TTF1: variants seen among roughly 807,000 people sequenced by gnomAD.
TTF1 encodes the protein transcription termination factor, RNA polymerase I.
Under a neutral mutation model 80.2 loss-of-function variants are expected in TTF1, and 64 were observed. The observed-to-expected ratio is 0.80, with a 90% CI of 0.65 to 0.98. The LOEUF is 0.98. Ranked by LOEUF, TTF1 falls within the 50% of genes least tolerant of loss-of-function variation. The probability of loss-of-function intolerance (pLI) is 0.00; values close to 1 mark genes in which losing one functional copy is unlikely to be tolerated. For missense variants in TTF1, 1,023 were observed against 1,086.2 expected, an observed-to-expected ratio of 0.94 and a Z score of 0.82; for synonymous variants, 372 against 382.7, an observed-to-expected ratio of 0.97 and a Z score of 0.33.
chr9:132,406,804 G>T lies in TTF1; in HGVS notation c.-22C>A, dbSNP rs183522856. The T allele has an allele frequency of 5.3e-5, 8 of 152,264 alleles. No individual in the cohort carries two copies. The East Asian group carries it at 1.4e-3, about 26-fold the overall frequency. The allele number at this position is 152,264 out of a possible 1,614,324, so 9.4% of individuals were successfully genotyped here. ...TTTCAACTTACCCTCCGAAAGCGCC[G>T]CCACCTTTCTCCCAACCCGGAAGTG... On this transcript the variant is annotated 5_prime_UTR_variant, in exon 1 of 11. Transcript: ENST00000334270.
Position 132,401,860 on chromosome 9 carries a change from G to A in TTF1, c.962C>T (p.Ala321Val). ...RPAVGLHGET[A>V]GIPAPAYKNK... ...TTTATAAGCAGGTGCTGGTATTCCTGCAGTTTCACCATGCAGGCCCACAGC... is the reference window on the plus strand; with the variant it reads ...TTTATAAGCAGGTGCTGGTATTCCTACAGTTTCACCATGCAGGCCCACAGC... Residue 321 changes from alanine (A) to valine (V), a missense_variant, in exon 2 of 11, where the codon GCA (alanine) becomes GTA (valine). Physicochemically the swap from Ala to Val is moderately conservative, Grantham distance 64. Coordinates refer to ENST00000334270, the MANE Select transcript of TTF1 (RefSeq NM_007344.4). 1 of 1,613,006 alleles carries A rather than the reference G, an allele frequency of 6.2e-7. No homozygotes were observed. Among genetic ancestry groups the A allele is most frequent in the East Asian group, 2.2e-5 (1 of 44,856 alleles).
intron 3 of TTF1, among the ~76,000 whole-genome samples, chr9:132,399,671 C>T (rs546648232): frequency 3.3e-5 from 5 of 152,240 alleles, no homozygotes; most frequent in Admixed American, 2.6e-4. Context: ...GAGAAAGAAA[C>T]GATACCTCAT....
At chr9:132,399,951 A>T in intron 3 of TTF1, 84 bp downstream of exon 3, 1 of 1,381,842 alleles carries the variant, frequency 7.2e-7, no homozygotes, top group Non-Finnish European at 1.0e-6. Context: ...GTCGATCTAT[A>T]AATCTGAATC....
chr9:132,378,533 GGT>G (rs1343769308), intron 10 of TTF1, among the ~76,000 whole-genome samples: 1 of 113,422 alleles, frequency 8.8e-6, no homozygotes, highest in African/African-American at 3.4e-5. Context: ...GAGTGCATGT[GGT>G]GTGAGTGCAT....
intron 3 of TTF1, among the ~76,000 whole-genome samples, chr9:132,398,673 C>T (rs560311095): frequency 2.6e-4 from 40 of 152,182 alleles, no homozygotes; most frequent in Non-Finnish European, 4.4e-4. Flanking sequence ...AAGTCCACTG[C>T]AACCTTGAAC....
chr9:132,405,405 G>A (rs1228696028), intron 1 of TTF1, among the ~76,000 whole-genome samples: 1 of 151,664 alleles, frequency 6.6e-6, no homozygotes, highest in Non-Finnish European at 1.5e-5. Flanking sequence ...ACGGGGTTTC[G>A]CCATGTTGGC....
chr9:132,378,661 GTGTGTGAGTGCATGCA>G (rs1849307984), intron 10 of TTF1, among the ~76,000 whole-genome samples: 1 of 91,522 alleles, frequency 1.1e-5, no homozygotes, highest in South Asian at 4.1e-4. Context: ...GAGTGCATAC[GTGTGTGAGTGCATGCA>G]TGTGGTGTGT....
rs554744657 is a variant in TTF1 at position 132,399,972 on chromosome 9, G to A, written c.1591+63C>T. Reference sequence around the variant, plus strand: ...CTATAAATCTGAATCATCCATAAAAGAAAGTTAGGTGCTAGCTCTGCATAC... The same window carrying A: ...CTATAAATCTGAATCATCCATAAAAAAAAGTTAGGTGCTAGCTCTGCATAC... On this transcript the variant is annotated intron_variant, in intron 3 of 10. Coordinates refer to ENST00000334270, the MANE Select transcript of TTF1 (RefSeq NM_007344.4). 1.3e-5 allele frequency: 20 copies of A among 1,533,188 alleles called. No homozygotes were observed. In the South Asian group the frequency reaches 1.9e-4, roughly 15 times the overall value. 95.0% of individuals were successfully genotyped at this position (1,533,188 alleles called of 1,614,324 possible).
In TTF1 at chr9:132,388,279, A is replaced by G. The variant is rs368155184; in HGVS notation, c.2223-51T>C. ...GTTTACTTTCAAGGGTAGAGTTTTC[A>G]TTAAAATATCCTATATTTTTCTTAT... On this transcript the variant is annotated intron_variant, in intron 7 of 10. Coordinates refer to ENST00000334270, the MANE Select transcript of TTF1 (RefSeq NM_007344.4). 4.2e-4 allele frequency: 553 copies of G among 1,316,912 alleles called. 1 individual carries two copies. The highest frequency in any genetic ancestry group is 5.5e-4 in the Non-Finnish European group (511 of 936,044). 81.6% of individuals were successfully genotyped at this position (1,316,912 alleles called of 1,614,324 possible).
chr9:132,378,338 A>C (rs1849285379), intron 10 of TTF1, among the ~76,000 whole-genome samples: 1 of 104,330 alleles, frequency 9.6e-6, no homozygotes, highest in African/African-American at 3.8e-5. Flanking sequence ...GTGTGAATTC[A>C]TGTGGTGTGA....
rs771436154 is a variant in TTF1, at chr9:132,401,611, C to A, written c.1211G>T (p.Gly404Val). ...LTSVKRARVS[G>V]DDFSVPSKNS... The stretch of plus-strand genomic sequence containing the variant: ...CTTACTGGGCACTGAAAAATCATCA[C>A]CAGACACTCGTGCCCTTTTGACAGA... Residue 404 changes from glycine (G) to valine (V), a missense_variant, in exon 2 of 11, where the codon GGT becomes GTT. By Grantham distance (109) the Gly-to-Val change is moderately radical. Transcript: ENST00000334270. 63 of 1,614,062 alleles carry A rather than the reference C, an allele frequency of 3.9e-5. 2 individuals are homozygous for A. In the East Asian group the frequency reaches 7.6e-4, roughly 19 times the overall value.
At chr9:132,378,061 TGA>T (rs1300306721) in intron 10 of TTF1, among the ~76,000 whole-genome samples, 2 of 128,128 alleles carry the variant, frequency 1.6e-5, no homozygotes, top group African/African-American at 6.2e-5. Context: ...ATGTGGTGTG[TGA>T]GTGCATGTGG....
chr9:132,398,289 T>A lies in TTF1; in HGVS notation c.1629A>T (p.Glu543Asp), dbSNP rs766001722. 3.0e-5 allele frequency: 48 copies of A among 1,609,042 alleles called. 1 individual carries two copies. The Middle Eastern group carries it at 8.2e-4, about 28-fold the overall frequency. Residue 543 changes from glutamate (E) to aspartate (D), a missense_variant, in exon 4 of 11, where the codon GAA (glutamate) becomes GAT (aspartate). By Grantham distance (45) the Glu-to-Asp change is conservative (BLOSUM62 2). Coordinates refer to ENST00000334270, the MANE Select transcript of TTF1 (RefSeq NM_007344.4). ...AIKFGKFSVK[E>D]NKQLEKNVED... is the part of the protein sequence containing the mutation. ...CCACATTTTTCTCTAACTGCTTATT[T>A]TCCTTTACAGAAAACTTGCCAAATT...
At chr9:132,388,018 G>C in intron 8 of TTF1, 121 bp downstream of exon 8, 1 of 661,106 alleles carries the variant, frequency 1.5e-6, no homozygotes, top group Non-Finnish European at 2.6e-6. Flanking sequence ...CAATACATGC[G>C]GAAAGTGCTG....
intron 5 of TTF1, among the ~76,000 whole-genome samples, chr9:132,395,878 C>T (rs1385653250): frequency 6.6e-6 from 1 of 152,146 alleles, no homozygotes; most frequent in Non-Finnish European, 1.5e-5. Flanking sequence ...CCCAAACGCT[C>T]GGTCTACGTT....
intron 9 of TTF1, among the ~76,000 whole-genome samples, chr9:132,380,263 A>C (rs895850467): frequency 4.6e-5 from 7 of 151,890 alleles, no homozygotes; most frequent in African/African-American, 1.7e-4. Context: ...ATTTTTAGTA[A>C]AGATAGGGCT....
chr9:132,394,669 G>A (rs1849615181), intron 5 of TTF1, among the ~76,000 whole-genome samples: 1 of 151,832 alleles, frequency 6.6e-6, no homozygotes, highest in African/African-American at 2.4e-5. Context: ...GAGGCAGGAG[G>A]ATCACTTGAG....
chr9:132,402,207 AC>A lies in TTF1; in HGVS notation c.614del (p.Gly205ValfsTer63), dbSNP rs1206439468. 1 of 1,613,202 alleles carries A rather than the reference AC, an allele frequency of 6.2e-7. No homozygotes were observed. The highest frequency in any genetic ancestry group is 8.5e-7 in the Non-Finnish European group (1 of 1,179,858). ...CAGATGCTGGTAGTTCTGTAATTTCACCCCCTGGACCCACAGAAAGCCAGGA... is the reference window on the plus strand; with the variant it reads ...CAGATGCTGGTAGTTCTGTAATTTCACCCCTGGACCCACAGAAAGCCAGGA... ...EESWLSVGPG[G>X]EITELPASAH... On this transcript the variant is annotated frameshift_variant, in exon 2 of 11. Coordinates refer to ENST00000334270, the MANE Select transcript of TTF1 (RefSeq NM_007344.4). LOFTEE classifies it high-confidence loss of function.
intron 1 of TTF1, among the ~76,000 whole-genome samples, chr9:132,405,059 T>C (rs1252246610): frequency 6.6e-6 from 1 of 151,748 alleles, no homozygotes; most frequent in East Asian, 1.9e-4. Flanking sequence ...CTAATTTTTT[T>C]GTATTTTTTA....
Sources: gnomAD v4.1 joint callset for allele counts (sites outside exome capture counted in the v4.1 genomes callset) on GRCh38, gnomAD v4.1.1 for gene constraint, MANE v1.5 for transcripts, NCBI Gene and HGNC (gene_info 2026-07-23, HGNC 2026-07-21) for gene names.